Variants in FGF11 observed in about 807,000 individuals in gnomAD.
The protein encoded by FGF11 is fibroblast growth factor homologous factor 3.
FGF11 carries 25 observed loss-of-function variants against 25.1 expected under a neutral mutation model. The ratio of observed to expected loss-of-function variants is 1.00; its 90% confidence interval spans 0.73 to 1.39. The LOEUF (loss-of-function observed/expected upper bound fraction) is 1.39, where lower values mean the gene tolerates loss of function less well. FGF11 is among the 40% of genes most tolerant of loss of function. The pLI, the probability that FGF11 is intolerant of heterozygous loss-of-function variation, is 0.00. For synonymous variants in FGF11, 130 were observed against 128.9 expected, an observed-to-expected ratio of 1.01 and a Z score of -0.06; for missense variants, 320 against 311.0, an observed-to-expected ratio of 1.03 and a Z score of -0.22.
At chr17:7,441,676 C>A in intron 2 of FGF11, 95 bp downstream of exon 2, 1 of 1,579,662 alleles carries the variant, frequency 6.3e-7, no homozygotes, top group African/African-American at 1.3e-5. Flanking sequence ...GCCATTGATC[C>A]GTCTTCCTGA....
At chr17:7,442,529 T>C in intron 3 of FGF11, 65 bp from the exon 4 acceptor site, 1 of 1,607,824 alleles carries the variant, frequency 6.2e-7, no homozygotes, top group Non-Finnish European at 8.5e-7. Context: ...AGCTCCTTTC[T>C]GCCCAGTGAT....
In FGF11 at chr17:7,439,573, C is replaced by A; in HGVS notation, c.-48C>A. ...AGCGGGCTCCTCTGGGGGAGCCCAG[C>A]GCGCTCCGGGCGCCTGCCGGTTTGG... On this transcript the variant is annotated 5_prime_UTR_variant, in exon 1 of 5. Coordinates refer to ENST00000293829, the MANE Select transcript of FGF11 (RefSeq NM_004112.4). 1.5e-6 allele frequency: 2 copies of A among 1,365,886 alleles called. No individual in the cohort carries two copies. The highest frequency in any genetic ancestry group is 1.9e-6 in the Non-Finnish European group (2 of 1,063,266). 84.6% of individuals were successfully genotyped at this position (1,365,886 alleles called of 1,614,324 possible).
At chr17:7,441,633 G>A (rs1048814781) in intron 2 of FGF11, 52 bp downstream of exon 2, 2 of 1,609,352 alleles carry the variant, frequency 1.2e-6, no homozygotes, top group African/African-American at 1.3e-5. Context: ...GGGGACAGGA[G>A]ATGACAATCC....
rs1186541082 is a variant in FGF11 at position 7,439,674 on chromosome 17, CG to C, written c.59del (p.Gly20AlafsTer87). ...IRQKREVREP[G>X]GSRPVSAQRR... ...GGCAGAAGCGGGAGGTCCGCGAGCC[CG>C]GGGGCAGCCGGCCGGTGTCGGCGCA... is the stretch of plus-strand genomic sequence containing the variant. On this transcript the variant is annotated frameshift_variant, in exon 1 of 5. Transcript: ENST00000293829. LOFTEE classifies it high-confidence loss of function. 5.9e-6 allele frequency: 9 copies of C among 1,532,654 alleles called. No individual in the cohort carries two copies. The highest frequency in any genetic ancestry group is 2.1e-5 in the Admixed American group (1 of 48,110). 94.9% of individuals were successfully genotyped at this position (1,532,654 alleles called of 1,614,324 possible).
At position 7,439,741 on chromosome 17, in the gene FGF11, A is replaced by T; in HGVS notation, c.121A>T (p.Lys41Ter). ...CCGCGGCACCAAGTCCCTTTGCCAG[A>T]AGCAGCTCCTCATCCTGCTGTCCAA... is the stretch of plus-strand genomic sequence containing the variant. ...CPRGTKSLCQ[K>*]QLLILLSKVR... The change falls in exon 1 of 5, where the codon AAG becomes TAG. Residue 41 changes from lysine (K) to a stop codon, truncating the protein, a stop_gained. Transcript: ENST00000293829. LOFTEE classifies it high-confidence loss of function. 6 of 1,572,456 alleles carry T rather than the reference A, an allele frequency of 3.8e-6. No individual in the cohort carries two copies. The highest frequency in any genetic ancestry group is 3.4e-6 in the Non-Finnish European group (4 of 1,163,918).
upstream of FGF11, among the ~76,000 whole-genome samples, chr17:7,438,798 C>T (rs749808965): frequency 3.9e-5 from 6 of 152,148 alleles, no homozygotes; most frequent in Non-Finnish European, 7.4e-5. Flanking sequence ...CACGGATGCT[C>T]CTCATTTTGA....
chr17:7,439,648 C>T lies in FGF11; in HGVS notation c.28C>T (p.Arg10Trp), dbSNP rs1019626573. ...GGCGGCGCTGGCCAGTAGCCTGATC[C>T]GGCAGAAGCGGGAGGTCCGCGAGCC... MAALASSLIRQKREVREPGG... is the reference protein window; with the variant it reads MAALASSLIWQKREVREPGG... The change falls in exon 1 of 5, where the codon CGG becomes TGG. Residue 10 changes from arginine to tryptophan, a missense_variant. By Grantham distance (101) the Arg-to-Trp change is moderately radical (BLOSUM62 -3). Transcript: ENST00000293829. 17 of 1,503,046 alleles carry T rather than the reference C, an allele frequency of 1.1e-5. No homozygotes were observed. The highest frequency in any genetic ancestry group is 7.1e-6 in the Non-Finnish European group (8 of 1,134,498). 93.1% of individuals were successfully genotyped at this position (1,503,046 alleles called of 1,614,324 possible). A position where few individuals can be genotyped will look rare whatever the true frequency, so the allele number is the denominator to read the frequency against.
chr17:7,441,335 G>A lies in FGF11; in HGVS notation c.194-136G>A, dbSNP rs1908312752. ...AAGAGAGGTGGGAGAGAGCGTGCTT[G>A]GAGGATAAGAGAGCTGGGGCCCTGG... On this transcript the variant is annotated intron_variant, in intron 1 of 4. Coordinates refer to ENST00000293829, the MANE Select transcript of FGF11 (RefSeq NM_004112.4). 11 of 1,208,822 alleles carry A rather than the reference G, an allele frequency of 9.1e-6. No homozygotes were observed. In the South Asian group the frequency reaches 1.2e-4, roughly 13 times the overall value. 74.9% of individuals were successfully genotyped at this position (1,208,822 alleles called of 1,614,324 possible).
chr17:7,444,107 A>G lies in FGF11; in HGVS notation c.*961A>G, dbSNP rs1046965069. 6.6e-6 allele frequency: 1 copy of G among 152,250 alleles called. No individual in the cohort carries two copies. Among genetic ancestry groups the G allele is most frequent in the African/African-American group, 2.4e-5 (1 of 41,450 alleles). 9.4% of individuals were successfully genotyped at this position (152,250 alleles called of 1,614,324 possible). A position where few individuals can be genotyped will look rare whatever the true frequency, so the allele number is the denominator to read the frequency against. On this transcript the variant is annotated 3_prime_UTR_variant, in exon 5 of 5. Coordinates refer to ENST00000293829, the MANE Select transcript of FGF11 (RefSeq NM_004112.4). ...AAGAACCATTTCTTGTTTTTCCTAG[A>G]TAATTCTCTAAAAATATGATTCTTC...
At chr17:7,443,038 A>T in intron 4 of FGF11, 38 bp from the exon 5 acceptor site, 1 of 1,529,038 alleles carries the variant, frequency 6.5e-7, no homozygotes, top group Non-Finnish European at 9.0e-7. Flanking sequence ...TCTGTGCCTA[A>T]CTCTCCTTCC....
rs374886752 is a variant in FGF11, at chr17:7,442,808, A to C, written c.607+16A>C. ...CTCCTGGAGGGTGGGTATAGACTCA[A>C]GAAAATGTGGGCCACAGGAGAGGGT... is the stretch of plus-strand genomic sequence containing the variant. On this transcript the variant is annotated intron_variant, in intron 4 of 4. Transcript: ENST00000293829. 6.2e-7 allele frequency: 1 copy of C among 1,613,072 alleles called. No homozygotes were observed. The highest frequency in any genetic ancestry group is 1.3e-5 in the African/African-American group (1 of 74,896).
In FGF11 at chr17:7,444,724, T is replaced by C. The variant is rs868423864; in HGVS notation, c.*1578T>C. On this transcript the variant is annotated 3_prime_UTR_variant, in exon 5 of 5. Transcript: ENST00000293829. The stretch of plus-strand genomic sequence containing the variant: ...AGACTTCCATAGCCTCAGACTTGGA[T>C]AGGGTAGGCTGAGGGGGCCCTAAGG... 12 of 257,226 alleles carry C rather than the reference T, an allele frequency of 4.7e-5. No homozygotes were observed. The highest frequency in any genetic ancestry group is 2.5e-4 in the African/African-American group (11 of 44,410). 15.9% of individuals were successfully genotyped at this position (257,226 alleles called of 1,614,324 possible).
chr17:7,441,432 G>T, intron 1 of FGF11, 39 bp from the exon 2 acceptor site: 1 of 1,612,364 alleles, frequency 6.2e-7, no homozygotes. Flanking sequence ...TTCTGGGAAC[G>T]GAGATGTCAT....
At chr17:7,442,494 C>G (rs1292201809) in intron 3 of FGF11, 100 bp from the exon 4 acceptor site, 1 of 1,391,356 alleles carries the variant, frequency 7.2e-7, no homozygotes, top group Non-Finnish European at 9.7e-7. Context: ...TCCCCCTCCC[C>G]CAAAAAGGAT....
chr17:7,440,617 G>A lies in FGF11; in HGVS notation c.193+804G>A, dbSNP rs972984878. 14 of 966,146 alleles carry A rather than the reference G, an allele frequency of 1.4e-5. No individual in the cohort carries two copies. The African/African-American group carries it at 2.3e-4, about 16-fold the overall frequency. 59.8% of individuals were successfully genotyped at this position (966,146 alleles called of 1,614,324 possible). Reference sequence around the variant, plus strand: ...AGAGTTAGAATTGGTCCCCGTCCATGTACGACAGTCAGGGAGTCCCTCTGG... The same window carrying A: ...AGAGTTAGAATTGGTCCCCGTCCATATACGACAGTCAGGGAGTCCCTCTGG... On this transcript the variant is annotated intron_variant, in intron 1 of 4. Coordinates refer to ENST00000293829, the MANE Select transcript of FGF11 (RefSeq NM_004112.4). The surrounding 1 kb of genome is among the most constrained non-coding windows in gnomAD (Gnocchi z 5.4).
At chr17:7,441,253 T>C in intron 1 of FGF11, 1 of 559,280 alleles carries the variant, frequency 1.8e-6, no homozygotes, top group South Asian at 2.1e-5. Flanking sequence ...TAAATTACAC[T>C]GAAAGCTCCT....
In FGF11 at chr17:7,441,509, CG is replaced by C. The variant is rs1567674274; in HGVS notation, c.233del (p.Arg78ProfsTer29). On this transcript the variant is annotated frameshift_variant, in exon 2 of 5. Coordinates refer to ENST00000293829, the MANE Select transcript of FGF11 (RefSeq NM_004112.4). LOFTEE classifies it high-confidence loss of function. The part of the protein sequence containing the change: ...LKGIVTKLFC[R>X]QGFYLQANPD... Reference sequence around the variant, plus strand: ...AGGCATCGTCACCAAACTGTTCTGCCGCCAGGGTTTCTACCTCCAGGCGAAT... The same window carrying C: ...AGGCATCGTCACCAAACTGTTCTGCCCCAGGGTTTCTACCTCCAGGCGAAT... The C allele has an allele frequency of 1.2e-6, 2 of 1,614,166 alleles. No homozygotes were observed. The highest frequency in any genetic ancestry group is 2.2e-5 in the South Asian group (2 of 91,088).
At position 7,441,923 on chromosome 17, in the gene FGF11, C is replaced by T. The variant is rs1163348231; in HGVS notation, c.408+44C>T. ...GTGGCCGGGAAATACTGGGGACTCC[C>T]CTTCCTCAATTTGTCCCTTGAGGGA... On this transcript the variant is annotated intron_variant, in intron 3 of 4. Coordinates refer to ENST00000293829, the MANE Select transcript of FGF11 (RefSeq NM_004112.4). 18 of 1,401,380 alleles carry T rather than the reference C, an allele frequency of 1.3e-5. No individual in the cohort carries two copies. The Admixed American group carries it at 3.7e-4, about 29-fold the overall frequency. 86.8% of individuals were successfully genotyped at this position (1,401,380 alleles called of 1,614,324 possible). A position where few individuals can be genotyped will look rare whatever the true frequency, so the allele number is the denominator to read the frequency against.
intron 1 of FGF11, 43 bp from the exon 2 acceptor site, chr17:7,441,428 G>C: frequency 1.9e-6 from 3 of 1,611,692 alleles, no homozygotes; most frequent in Non-Finnish European, 2.5e-6. Context: ...ATGTTTCTGG[G>C]AACGGAGATG....
Sources: allele counts gnomAD v4.1 joint callset (sites outside exome capture counted in the v4.1 genomes callset), GRCh38; gene constraint gnomAD v4.1.1; non-coding constraint Gnocchi (gnomAD v3.1); transcripts MANE v1.5; gene names NCBI Gene and HGNC (gene_info 2026-07-23, HGNC 2026-07-21).